NAV2: variants seen among roughly 807,000 people sequenced by gnomAD.
NAV2 encodes the protein neuron navigator 2.
A neutral mutation model predicts 223.2 loss-of-function variants in NAV2; 54 were observed. The ratio of observed to expected loss-of-function variants is 0.24; its 90% confidence interval spans 0.19 to 0.30. NAV2 has a LOEUF of 0.30. Ranked by LOEUF, NAV2 falls within the 10% of genes least tolerant of loss-of-function variation. The pLI is 1.00. For synonymous variants in NAV2, 1,279 were observed against 1,239.3 expected (o/e 1.03, Z -0.67); for missense variants, 2,806 against 3,147.5 (o/e 0.89, Z 2.60).
At chr11:20,059,858 GC>G (rs1371482612) in intron 19 of NAV2, among the ~76,000 whole-genome samples, 5 of 152,182 alleles carry the variant, frequency 3.3e-5, no homozygotes, top group Non-Finnish European at 7.4e-5. Flanking sequence ...ACTCCCACAG[GC>G]ATTTTGTTGT....
chr11:19,690,732 T>A (rs12279368), intron 1 of NAV2, among the ~76,000 whole-genome samples: 1 of 152,182 alleles, frequency 6.6e-6, no homozygotes, highest in Non-Finnish European at 1.5e-5. Context: ...GAGCTGGTTT[T>A]AGTCCTACCA....
intron 1 of NAV2, among the ~76,000 whole-genome samples, chr11:19,670,050 C>T (rs144616353): frequency 1.3e-4 from 20 of 152,314 alleles, no homozygotes; most frequent in Non-Finnish European, 2.4e-4. Flanking sequence ...TCATGGACTC[C>T]GGCCTCTCCT....
At chr11:19,731,561 G>A (rs1039427340) in intron 1 of NAV2, among the ~76,000 whole-genome samples, 4 of 152,186 alleles carry the variant, frequency 2.6e-5, no homozygotes, top group Non-Finnish European at 5.9e-5. Flanking sequence ...GGGGTTGTTG[G>A]GGGGATAGTT....
intron 3 of NAV2, among the ~76,000 whole-genome samples, chr11:19,866,567 G>C (rs1450165300): frequency 6.6e-6 from 1 of 152,174 alleles, no homozygotes. Context: ...CTTGCAAACA[G>C]ACACTATCAT....
At chr11:19,547,862 A>C (rs909315724) in intron 1 of NAV2, among the ~76,000 whole-genome samples, 2 of 152,238 alleles carry the variant, frequency 1.3e-5, no homozygotes, top group South Asian at 2.1e-4. Flanking sequence ...CTGGGTTCCA[A>C]TTCCATACTA....
At chr11:19,957,982 T>G (rs11600689) in intron 10 of NAV2, among the ~76,000 whole-genome samples, 1 of 152,082 alleles carries the variant, frequency 6.6e-6, no homozygotes, top group Non-Finnish European at 1.5e-5. Context: ...ATTTCCTAAC[T>G]AGCTTTGAGG....
rs577609668 is a variant in NAV2, at chr11:19,447,213, A to G, written c.75+96186A>G. Among the ~76,000 whole-genome samples the G allele has an allele frequency of 2.0e-5, 3 of 152,166 alleles. 1 individual carries two copies. The highest frequency in any genetic ancestry group is 4.1e-4 in the South Asian group (2 of 4,826). ...ACTAGTTGGAAACATGATACTGCCA[A>G]TCTCTTCCAGATTACTTGAGTCATC... On this transcript the variant is annotated intron_variant, in intron 1 of 37. Coordinates refer to the NAV2 transcript ENST00000360655.
chr11:19,792,955 T>G (rs2057628792), intron 1 of NAV2, among the ~76,000 whole-genome samples: 1 of 150,996 alleles, frequency 6.6e-6, no homozygotes, highest in Non-Finnish European at 1.5e-5. Flanking sequence ...ATGCCTATAA[T>G]CCCAGCACTT....
At chr11:19,453,485 T>G (rs1851857212) in intron 1 of NAV2, among the ~76,000 whole-genome samples, 1 of 152,202 alleles carries the variant, frequency 6.6e-6, no homozygotes, top group African/African-American at 2.4e-5. Context: ...AGAAATGTGT[T>G]TAAGGGATCC....
chr11:19,380,184 TCTCTA>T (rs1848789735), intron 1 of NAV2, among the ~76,000 whole-genome samples: 1 of 152,176 alleles, frequency 6.6e-6, no homozygotes, highest in Non-Finnish European at 1.5e-5. Context: ...GTATATCTTC[TCTCTA>T]CTCTGGCAAC....
chr11:19,864,740 C>A (rs1215486935), intron 3 of NAV2, among the ~76,000 whole-genome samples: 1 of 152,100 alleles, frequency 6.6e-6, no homozygotes, highest in Non-Finnish European at 1.5e-5. Flanking sequence ...TTAATTGCAG[C>A]CTCTCTCATG....
chr11:20,049,939 A>T, intron 16 of NAV2, 38 bp downstream of exon 16: 1 of 1,593,636 alleles, frequency 6.3e-7, no homozygotes, highest in Non-Finnish European at 8.6e-7. Context: ...CCGAGCCTCT[A>T]GGTTCTTCTG....
intron 5 of NAV2, among the ~76,000 whole-genome samples, chr11:19,887,078 AAAG>A (rs968320153): frequency 2.5e-4 from 38 of 152,212 alleles, no homozygotes; most frequent in African/African-American, 8.2e-4. Context: ...TTGGTTGCCA[AAAG>A]AAGCAGTCCT....
chr11:19,852,243 A>G (rs1037440183), intron 3 of NAV2, among the ~76,000 whole-genome samples: 4 of 152,250 alleles, frequency 2.6e-5, no homozygotes, highest in African/African-American at 4.8e-5. Context: ...GATTCATGCA[A>G]AATAACTCTT....
chr11:19,737,390 C>T (rs945805663), intron 1 of NAV2, among the ~76,000 whole-genome samples: 8 of 152,290 alleles, frequency 5.3e-5, no homozygotes, highest in African/African-American at 9.6e-5. Flanking sequence ...CATACTTTCA[C>T]GGATCTTACA....
At chr11:19,424,795 C>T (rs1227161872) in intron 1 of NAV2, among the ~76,000 whole-genome samples, 1 of 152,112 alleles carries the variant, frequency 6.6e-6, no homozygotes, top group Non-Finnish European at 1.5e-5. Flanking sequence ...AAGTGATCCG[C>T]CCACCTCAGC....
chr11:19,691,016 C>T (rs537380857), intron 1 of NAV2, among the ~76,000 whole-genome samples: 1 of 152,318 alleles, frequency 6.6e-6, no homozygotes, highest in East Asian at 1.9e-4. Context: ...TAGCCCAGAG[C>T]TTCTGAAACT....
intron 1 of NAV2, among the ~76,000 whole-genome samples, chr11:19,514,305 G>A (rs1016910320): frequency 1.3e-5 from 2 of 152,100 alleles, no homozygotes; most frequent in African/African-American, 4.8e-5. Context: ...CTCAGTACTA[G>A]AACAACAATT....
intron 1 of NAV2, among the ~76,000 whole-genome samples, chr11:19,504,603 C>T (rs1378572433): frequency 3.3e-5 from 5 of 152,164 alleles, no homozygotes; most frequent in African/African-American, 1.2e-4. Flanking sequence ...AGATACGCTT[C>T]AGGGATGAAA....
Sources: gnomAD v4.1 joint callset for allele counts (sites outside exome capture counted in the v4.1 genomes callset) on GRCh38, gnomAD v4.1.1 for gene constraint, MANE v1.5 for transcripts, NCBI Gene and HGNC (gene_info 2026-07-23, HGNC 2026-07-21) for gene names.